Variants in PPA2 observed in about 807,000 individuals in gnomAD.
PPA2 encodes inorganic pyrophosphatase 2.
Under a neutral mutation model 49.5 loss-of-function variants are expected in PPA2, and 48 were observed. That is an observed-to-expected ratio of 0.97 (90% CI 0.77 to 1.23). The LOEUF (loss-of-function observed/expected upper bound fraction) is 1.23, where lower values mean the gene tolerates loss of function less well. Among genes scored for constraint, PPA2 ranks in the 50% most tolerant of loss-of-function variants. The pLI, the probability that PPA2 is intolerant of heterozygous loss-of-function variation, is 0.00. For synonymous variants in PPA2, 131 were observed against 139.9 expected (o/e 0.94, Z 0.45); for missense variants, 429 against 410.1 (o/e 1.05, Z -0.40).
Position 105,405,385 on chromosome 4 carries a change from TAAC to T in PPA2, c.656-6224_656-6222del, listed in dbSNP as rs560821628. 2.3e-4 allele frequency: 180 copies of T among 779,674 alleles called. 2 individuals carry two copies. The South Asian group carries it at 9.5e-3, about 41-fold the overall frequency. 48.3% of individuals were successfully genotyped at this position (779,674 alleles called of 1,614,324 possible). On this transcript the variant is annotated intron_variant, in intron 7 of 11. Transcript: ENST00000341695. ...ATGAATTTGTAATTAATTTCTTATT[TAAC>T]AACAGACACGTTTACTTTTATCTCT... is the stretch of plus-strand genomic sequence containing the variant.
chr4:105,446,524 GA>G, intron 4 of PPA2, 22 bp from the exon 5 acceptor site: 2 of 1,593,040 alleles, frequency 1.3e-6, no homozygotes, highest in Non-Finnish European at 8.5e-7. Context: ...ACAGAAGGAA[GA>G]AAAGGAGATG....
In PPA2 at chr4:105,470,229, T is replaced by C. The variant is rs6855838; in HGVS notation, c.157+3665A>G. ...AACACGCAAGATATCAAAGGAATAC[T>C]GGCATGCAGCATTAGGTCTTTGGCT... On this transcript the variant is annotated intron_variant, in intron 1 of 11. Transcript: ENST00000341695. 6.7e-3 allele frequency among the ~76,000 whole-genome samples: 1,026 copies of C among 152,360 alleles called. 12 individuals are homozygous for C. Among genetic ancestry groups the C allele is most frequent in the African/African-American group, 0.023 (970 of 41,586 alleles).
At chr4:105,385,255 T>C (rs886596078) in intron 10 of PPA2, among the ~76,000 whole-genome samples, 1 of 152,202 alleles carries the variant, frequency 6.6e-6, no homozygotes, top group African/African-American at 2.4e-5. Flanking sequence ...TCTGAAACGT[T>C]CATTATTTTA....
At chr4:105,387,784 A>G (rs192640780) in intron 9 of PPA2, among the ~76,000 whole-genome samples, 56 of 152,252 alleles carry the variant, frequency 3.7e-4, no homozygotes, top group African/African-American at 1.2e-3. Context: ...GGGAAAAAAA[A>G]GACAGTTTTT....
At chr4:105,400,994 A>C (rs1368737260) in intron 7 of PPA2, among the ~76,000 whole-genome samples, 1 of 152,018 alleles carries the variant, frequency 6.6e-6, no homozygotes, top group African/African-American at 2.4e-5. Flanking sequence ...ACAAAACAAA[A>C]AAATTACAGT....
intron 1 of PPA2, 147 bp downstream of exon 1, chr4:105,473,747 G>A: frequency 5.0e-6 from 6 of 1,203,298 alleles, no homozygotes; most frequent in Non-Finnish European, 7.3e-6. Context: ...CCCGCGGGAA[G>A]TAAGGTGGCC....
intron 9 of PPA2, among the ~76,000 whole-genome samples, 193 bp from the exon 10 acceptor site, chr4:105,386,829 A>G (rs1326124782): frequency 6.6e-6 from 1 of 152,222 alleles, no homozygotes; most frequent in African/African-American, 2.4e-5. Flanking sequence ...AGTATAGAGT[A>G]GTCCACAGCA....
chr4:105,461,564 A>G (rs1269482095), intron 1 of PPA2, among the ~76,000 whole-genome samples: 1 of 152,204 alleles, frequency 6.6e-6, no homozygotes, highest in Non-Finnish European at 1.5e-5. Flanking sequence ...GGGAAAGGGT[A>G]TAAGCAGGCA....
At chr4:105,397,571 T>A (rs1734198980) in intron 8 of PPA2, among the ~76,000 whole-genome samples, 1 of 152,158 alleles carries the variant, frequency 6.6e-6, no homozygotes, top group African/African-American at 2.4e-5. Flanking sequence ...TTGAGGGGAT[T>A]TGTCCTCTCA....
chr4:105,438,131 A>T, intron 5 of PPA2, 95 bp from the exon 6 acceptor site: 1 of 863,360 alleles, frequency 1.2e-6, no homozygotes. Context: ...ATAGATAACA[A>T]TAATCCAAAG....
chr4:105,439,723 A>G (rs1159556739), intron 5 of PPA2, among the ~76,000 whole-genome samples: 1 of 152,084 alleles, frequency 6.6e-6, no homozygotes, highest in Admixed American at 6.5e-5. Context: ...TTTAGGGTAC[A>G]TGTGCATAAC....
intron 7 of PPA2, among the ~76,000 whole-genome samples, chr4:105,417,605 G>A (rs1379020828): frequency 6.6e-6 from 1 of 150,786 alleles, no homozygotes; most frequent in Non-Finnish European, 1.5e-5. Context: ...AGAGACAGCA[G>A]GTTCTCGGTA....
intron 1 of PPA2, among the ~76,000 whole-genome samples, chr4:105,461,898 C>G (rs1331159847): frequency 6.6e-6 from 1 of 152,170 alleles, no homozygotes; most frequent in Non-Finnish European, 1.5e-5. Context: ...TAAGTTTAAA[C>G]ACAAAGGCAT....
In PPA2 at chr4:105,375,065, A is replaced by T. The variant is rs186175255; in HGVS notation, c.940-4192T>A. ...GCTACATTCATTTTACTTTTCACAC[A>T]ATCCTTTTCTGATTTTTCGCTTTAG... On this transcript the variant is annotated intron_variant, in intron 10 of 11. Transcript: ENST00000341695. 2.1e-3 allele frequency among the ~76,000 whole-genome samples: 322 copies of T among 151,790 alleles called. 5 individuals are homozygous for T. Among genetic ancestry groups the T allele is most frequent in the Middle Eastern group, 0.014 (4 of 294 alleles).
intron 9 of PPA2, among the ~76,000 whole-genome samples, chr4:105,394,196 G>A (rs541926339): frequency 4.0e-5 from 6 of 151,854 alleles, no homozygotes; most frequent in African/African-American, 9.6e-5. Flanking sequence ...GTAAAACTCC[G>A]TCTCTACTAA....
rs114361371 is a variant in PPA2 at position 105,456,522 on chromosome 4, T to C, written c.222+159A>G. 9.7e-4 allele frequency: 561 copies of C among 579,892 alleles called. 2 individuals carry two copies. The highest frequency in any genetic ancestry group is 8.8e-3 in the African/African-American group (466 of 53,074). The allele number at this position is 579,892 out of a possible 1,614,324, so 35.9% of individuals were successfully genotyped here. On this transcript the variant is annotated intron_variant, in intron 2 of 11. Coordinates refer to ENST00000341695, the MANE Select transcript of PPA2 (RefSeq NM_176869.3). ...TGGAAGAATCCTATTCTCATACAAC[T>C]TTTAATTCATATAGGAGGCTTATGA...
intron 6 of PPA2, among the ~76,000 whole-genome samples, chr4:105,433,565 T>C (rs1436406410): frequency 6.6e-6 from 1 of 152,236 alleles, no homozygotes; most frequent in African/African-American, 2.4e-5. Context: ...TCTTTGTGCA[T>C]GCCTCCAGGG....
In PPA2 at chr4:105,390,885, C is replaced by T. The variant is rs780480381; in HGVS notation, c.870-4249G>A. Reference sequence around the variant, plus strand: ...ATTCTACTATTAAGACTCATGCACACGTATGTTTATTGCAGCACTATTCAC... The same window carrying T: ...ATTCTACTATTAAGACTCATGCACATGTATGTTTATTGCAGCACTATTCAC... On this transcript the variant is annotated intron_variant, in intron 9 of 11. Coordinates refer to ENST00000341695, the MANE Select transcript of PPA2 (RefSeq NM_176869.3). Among the ~76,000 whole-genome samples the T allele has an allele frequency of 1.7e-4, 26 of 152,226 alleles. No individual in the cohort carries two copies. The Middle Eastern group carries it at 0.014, about 80-fold the overall frequency.
chr4:105,388,955 T>C lies in PPA2; in HGVS notation c.870-2319A>G, dbSNP rs189797322. Among the ~76,000 whole-genome samples the C allele has an allele frequency of 6.6e-5, 10 of 152,286 alleles. No individual in the cohort carries two copies. In the East Asian group the frequency reaches 1.2e-3, roughly 18 times the overall value. On this transcript the variant is annotated intron_variant, in intron 9 of 11. Coordinates refer to ENST00000341695, the MANE Select transcript of PPA2 (RefSeq NM_176869.3). Reference sequence around the variant, plus strand: ...ATAGGATGAAAGATTACAAAGTTCCTTCTATTTATCAAATAGGCTCTTCTA... The same window carrying C: ...ATAGGATGAAAGATTACAAAGTTCCCTCTATTTATCAAATAGGCTCTTCTA...
Sources: gnomAD v4.1 joint callset for allele counts (sites outside exome capture counted in the v4.1 genomes callset) on GRCh38, gnomAD v4.1.1 for gene constraint, MANE v1.5 for transcripts, NCBI Gene and HGNC (gene_info 2026-07-23, HGNC 2026-07-21) for gene names.